Variants in VTI1A observed in about 807,000 individuals in gnomAD.
The protein encoded by VTI1A is vesicle transport through interaction with t-SNAREs 1A.
A neutral mutation model predicts 34.9 loss-of-function variants in VTI1A; 22 were observed. The ratio of observed to expected loss-of-function variants is 0.63; its 90% CI spans 0.45 to 0.90. The LOEUF (loss-of-function observed/expected upper bound fraction) is 0.90. Ranked by LOEUF, VTI1A falls within the 40% of genes least tolerant of loss-of-function variation. The pLI is 0.00. For synonymous variants in VTI1A, 87 were observed against 97.3 expected, an observed-to-expected ratio of 0.89 and a Z score of 0.62; for missense variants, 268 against 275.6, an observed-to-expected ratio of 0.97 and a Z score of 0.20.
chr10:112,725,463 G>A (rs907684342), intron 7 of VTI1A, among the ~76,000 whole-genome samples: 23 of 152,176 alleles, frequency 1.5e-4, no homozygotes, highest in African/African-American at 5.3e-4. Flanking sequence ...CATTTATTGA[G>A]ATCAAGATTG....
At chr10:112,830,849 A>ATATATATATATATATTTTTTTTTTTTT in the VTI1A span, among the ~76,000 whole-genome samples, 5 of 33,498 alleles carry the variant, frequency 1.5e-4, no homozygotes, top group African/African-American at 5.7e-4. Context: ...ATATATATAT[A>ATATATATATATATATTTTTTTTTTTTT]TTTTTTTTTT....
intron 2 of VTI1A, among the ~76,000 whole-genome samples, chr10:112,463,150 C>T (rs776997177): frequency 2.0e-5 from 3 of 152,100 alleles, no homozygotes; most frequent in Non-Finnish European, 2.9e-5. Context: ...GTCTCAAACT[C>T]CTGACCTCAG....
intron 5 of VTI1A, among the ~76,000 whole-genome samples, chr10:112,546,616 A>G (rs1287210167): frequency 1.3e-5 from 2 of 152,128 alleles, no homozygotes; most frequent in East Asian, 1.9e-4. Context: ...GACTAATTAT[A>G]CACCTTTATT....
chr10:112,839,207 C>T, the VTI1A span, among the ~76,000 whole-genome samples: 1 of 152,220 alleles, frequency 6.6e-6, no homozygotes, highest in African/African-American at 2.4e-5. Flanking sequence ...CTGGCAGGGC[C>T]AGCCCCTTTC....
intron 3 of VTI1A, among the ~76,000 whole-genome samples, chr10:112,470,157 A>G (rs1030438954): frequency 1.3e-5 from 2 of 152,206 alleles, no homozygotes; most frequent in Non-Finnish European, 2.9e-5. Flanking sequence ...TTACCCCACC[A>G]TGGCAGGAAG....
chr10:112,842,889 AGGGTTCC>A, the VTI1A span, among the ~76,000 whole-genome samples: 1 of 152,220 alleles, frequency 6.6e-6, no homozygotes, highest in Non-Finnish European at 1.5e-5. Context: ...CCAAGTAGGA[AGGGTTCC>A]AATACAGGGA....
intron 1 of VTI1A, 40 bp downstream of exon 1, chr10:112,447,507 G>C (rs1250211137): frequency 6.2e-7 from 1 of 1,605,014 alleles, no homozygotes; most frequent in Non-Finnish European, 8.5e-7. Flanking sequence ...GCTGGGGAGA[G>C]CTGGGAGGGT....
At chr10:112,597,728 C>T (rs1475436550) in intron 5 of VTI1A, among the ~76,000 whole-genome samples, 6 of 117,666 alleles carry the variant, frequency 5.1e-5, no homozygotes, top group South Asian at 2.8e-4. Context: ...GACGGAGTCT[C>T]GCTCTGTCGC....
At chr10:112,574,939 T>A (rs1852275514) in intron 5 of VTI1A, among the ~76,000 whole-genome samples, 1 of 152,218 alleles carries the variant, frequency 6.6e-6, no homozygotes, top group Admixed American at 6.5e-5. Context: ...ATATTTGCAT[T>A]TTCTCCTCAA....
chr10:112,563,609 A>C (rs1851806615), intron 5 of VTI1A, among the ~76,000 whole-genome samples: 1 of 152,220 alleles, frequency 6.6e-6, no homozygotes. Flanking sequence ...ACGCTTGAGG[A>C]AATGCAAACA....
chr10:112,746,427 G>A (rs1245531976), intron 7 of VTI1A, among the ~76,000 whole-genome samples: 1 of 152,166 alleles, frequency 6.6e-6, no homozygotes, highest in African/African-American at 2.4e-5. Flanking sequence ...ACAGAAAAAA[G>A]CCTTTCTGTC....
At chr10:112,785,119 G>T (rs992636670) in intron 7 of VTI1A, among the ~76,000 whole-genome samples, 2 of 152,200 alleles carry the variant, frequency 1.3e-5, no homozygotes, top group African/African-American at 4.8e-5. Context: ...TATAAGCACA[G>T]CCAGTAATGT....
Position 112,815,273 on chromosome 10 carries a change from C to G in VTI1A, c.561-17C>G. 3.1e-6 allele frequency: 5 copies of G among 1,589,476 alleles called. No individual in the cohort carries two copies. The highest frequency in any genetic ancestry group is 4.3e-6 in the Non-Finnish European group (5 of 1,165,948). On this transcript the variant is annotated splice_polypyrimidine_tract_variant and intron_variant, in intron 7 of 7. Coordinates refer to ENST00000393077, the MANE Select transcript of VTI1A (RefSeq NM_145206.4). ...CCACTTATCTGTGTGTGTTTTTTCT[C>G]CTTTGCTGTCTCCTAGAATCATCCA...
intron 7 of VTI1A, among the ~76,000 whole-genome samples, chr10:112,701,531 C>A (rs1272487012): frequency 6.6e-6 from 1 of 152,162 alleles, no homozygotes; most frequent in Non-Finnish European, 1.5e-5. Context: ...TGTTGAGGCT[C>A]AAGATCAAAT....
intron 7 of VTI1A, among the ~76,000 whole-genome samples, chr10:112,732,075 T>C (rs1165570739): frequency 6.6e-6 from 1 of 152,154 alleles, no homozygotes. Context: ...CCTAGGAGAC[T>C]GTACAGCAAC....
chr10:112,652,937 A>T (rs1847093524), intron 5 of VTI1A, among the ~76,000 whole-genome samples: 1 of 152,220 alleles, frequency 6.6e-6, no homozygotes, highest in Non-Finnish European at 1.5e-5. Context: ...GACAAAATGC[A>T]TACACAAAAC....
intron 3 of VTI1A, among the ~76,000 whole-genome samples, chr10:112,523,106 A>AT (rs1391677975): frequency 6.6e-6 from 1 of 152,056 alleles, no homozygotes; most frequent in Non-Finnish European, 1.5e-5. Context: ...AGCTAAGTTA[A>AT]TTCGTTTTGT....
At chr10:112,688,620 C>T in intron 7 of VTI1A, among the ~76,000 whole-genome samples, 1 of 149,658 alleles carries the variant, frequency 6.7e-6, no homozygotes, top group East Asian at 2.0e-4. Context: ...CTCCTAGGTT[C>T]AAGCCGTTCT....
At chr10:112,657,267 A>C (rs984401032) in intron 5 of VTI1A, among the ~76,000 whole-genome samples, 72 of 152,218 alleles carry the variant, frequency 4.7e-4, no homozygotes, top group African/African-American at 1.7e-3. Flanking sequence ...TCCTGTATCC[A>C]TTGTCCTATA....
Sources: gnomAD v4.1 joint callset for allele counts (sites outside exome capture counted in the v4.1 genomes callset) on GRCh38, gnomAD v4.1.1 for gene constraint, MANE v1.5 for transcripts, NCBI Gene and HGNC (gene_info 2026-07-23, HGNC 2026-07-21) for gene names.